ASAP1: variants seen among roughly 807,000 people sequenced by gnomAD.
The protein encoded by ASAP1 is ArfGAP with SH3 domain, ankyrin repeat and PH domain 1, also known as arf-GAP with SH3 domain, ANK repeat and PH domain-containing protein 1.
Under a neutral mutation model 145.2 loss-of-function variants are expected in ASAP1, and 43 were observed. The observed-to-expected ratio is 0.30, with a 90% confidence interval of 0.23 to 0.38. The LOEUF (loss-of-function observed/expected upper bound fraction) is 0.38. ASAP1 is among the 10% of genes least tolerant of loss of function. ASAP1 has a pLI of 1.00. For missense variants in ASAP1, 1,018 were observed against 1,355.3 expected (o/e 0.75, Z 3.91); for synonymous variants, 546 against 515.5 (o/e 1.06, Z -0.80).
chr8:130,403,188 T>C (rs1828873747), intron 1 of ASAP1, among the ~76,000 whole-genome samples: 1 of 152,126 alleles, frequency 6.6e-6, no homozygotes, highest in African/African-American at 2.4e-5. Context: ...ACCACTACCA[T>C]ACCTTAAAAA....
chr8:130,126,515 G>A (rs977651547), intron 16 of ASAP1, among the ~76,000 whole-genome samples: 4 of 152,160 alleles, frequency 2.6e-5, no homozygotes, highest in Non-Finnish European at 5.9e-5. Context: ...GCCTCCCCAT[G>A]AGCACTTCTT....
chr8:130,305,407 T>C (rs1238114537), intron 3 of ASAP1, among the ~76,000 whole-genome samples: 1 of 152,188 alleles, frequency 6.6e-6, no homozygotes. Flanking sequence ...AGTCCAGTGG[T>C]GCGATCTCGG....
At chr8:130,316,602 T>A (rs1361996341) in intron 3 of ASAP1, among the ~76,000 whole-genome samples, 2 of 152,224 alleles carry the variant, frequency 1.3e-5, no homozygotes, top group African/African-American at 4.8e-5. Context: ...ATTTTGCCCT[T>A]CCATTTTAGA....
intron 3 of ASAP1, among the ~76,000 whole-genome samples, chr8:130,320,714 G>A (rs1258899954): frequency 2.0e-5 from 3 of 151,710 alleles, no homozygotes; most frequent in Admixed American, 1.3e-4. Context: ...TTCCTCTCTA[G>A]TATCACATTA....
At chr8:130,080,106 G>T in intron 25 of ASAP1, 135 bp from the exon 26 acceptor site, 1 of 748,202 alleles carries the variant, frequency 1.3e-6, no homozygotes, top group Non-Finnish European at 2.3e-6. Context: ...AAAACGGCAT[G>T]CATTTCTGGC....
At chr8:130,111,913 C>G (rs1318551664) in intron 24 of ASAP1, among the ~76,000 whole-genome samples, 181 bp downstream of exon 24, 1 of 152,194 alleles carries the variant, frequency 6.6e-6, no homozygotes, top group African/African-American at 2.4e-5. Context: ...CACTGCCTGT[C>G]CTGCTCTTGG....
intron 3 of ASAP1, among the ~76,000 whole-genome samples, chr8:130,333,028 G>A (rs192653550): frequency 6.6e-6 from 1 of 151,948 alleles, no homozygotes; most frequent in Non-Finnish European, 1.5e-5. Flanking sequence ...AGCACAAAGC[G>A]GTTCAATCTT....
At chr8:130,063,668 T>G (rs1041313034) in intron 27 of ASAP1, among the ~76,000 whole-genome samples, 1 of 152,196 alleles carries the variant, frequency 6.6e-6, no homozygotes, top group Non-Finnish European at 1.5e-5. Context: ...CATCCCCATC[T>G]TCCAAGATAC....
At chr8:130,193,505 GGGA>G (rs2136262383) in intron 5 of ASAP1, among the ~76,000 whole-genome samples, 1 of 152,276 alleles carries the variant, frequency 6.6e-6, no homozygotes, top group East Asian at 1.9e-4. Flanking sequence ...GAAATAGGGT[GGGA>G]GAGGAGATTT....
At chr8:130,233,220 C>T (rs7821742) in intron 4 of ASAP1, among the ~76,000 whole-genome samples, 3,954 of 152,226 alleles carry the variant, frequency 0.026, 62 homozygotes, top group Middle Eastern at 0.044. Context: ...CCACAGGTTA[C>T]AATGCTGGGA....
At chr8:130,214,479 T>C in intron 5 of ASAP1, 77 bp downstream of exon 5, 1 of 1,348,380 alleles carries the variant, frequency 7.4e-7, no homozygotes, top group Non-Finnish European at 9.9e-7. Flanking sequence ...GGGGGAAGGA[T>C]TATTGAAATG....
At chr8:130,405,293 A>G (rs1246731946) in intron 1 of ASAP1, among the ~76,000 whole-genome samples, 1 of 152,158 alleles carries the variant, frequency 6.6e-6, no homozygotes, top group Non-Finnish European at 1.5e-5. Flanking sequence ...ATCATAACTC[A>G]CAAGATATGA....
intron 3 of ASAP1, among the ~76,000 whole-genome samples, chr8:130,350,004 T>C (rs374871503): frequency 2.8e-4 from 43 of 152,286 alleles, no homozygotes; most frequent in African/African-American, 1.0e-3. Flanking sequence ...TGAGGCTCCC[T>C]GGACAAACAG....
intron 25 of ASAP1, among the ~76,000 whole-genome samples, chr8:130,090,786 C>G (rs900370223): frequency 1.3e-5 from 2 of 152,214 alleles, no homozygotes; most frequent in Non-Finnish European, 2.9e-5. Flanking sequence ...GCTAAATGCA[C>G]ACACATGCTT....
intron 23 of ASAP1, 136 bp downstream of exon 23, chr8:130,115,492 T>G (rs1053882800): frequency 1.4e-6 from 1 of 710,478 alleles, no homozygotes; most frequent in South Asian, 1.7e-5. Context: ...CAATAAGGAC[T>G]GAACAACATA....
intron 7 of ASAP1, among the ~76,000 whole-genome samples, chr8:130,182,298 C>T (rs1814407921): frequency 6.6e-6 from 1 of 152,052 alleles, no homozygotes; most frequent in Non-Finnish European, 1.5e-5. Context: ...AGATAATCTC[C>T]CAAAGAAAGA....
chr8:130,085,764 G>T lies in ASAP1; in HGVS notation c.2573-5793C>A, dbSNP rs536119751. ...AAAAAAAAAAAAAAAAAGGAAAGAG[G>T]TTCAATGAAATGCAACTTCAAAAAT... On this transcript the variant is annotated intron_variant, in intron 25 of 29. Coordinates refer to ENST00000518721, the MANE Select transcript of ASAP1 (RefSeq NM_018482.4). 1.5e-4 allele frequency among the ~76,000 whole-genome samples: 22 copies of T among 147,918 alleles called. 1 individual carries two copies. In the South Asian group the frequency reaches 4.5e-3, roughly 30 times the overall value.
At position 130,118,660 on chromosome 8, in the gene ASAP1, T is replaced by A; in HGVS notation, c.1623A>T (p.Glu541Asp). 6.2e-7 allele frequency: 1 copy of A among 1,611,554 alleles called. No homozygotes were observed. The change falls in exon 19 of 30, where the codon GAA becomes GAT. Residue 541 changes from glutamate to aspartate, a missense_variant. Around this residue, in one of 9 missense-constraint regions of ASAP1, gnomAD observed 153 missense variants for 221.6 expected, o/e 0.69. Transcript: ENST00000518721. ...GATCTACATACTTTGCAGTGATATA[T>A]TCTTTTCGTACAGTCCTAAAACAGA... The part of the protein sequence containing the change: ...TPSSDMTVRK[E>D]YITAKYVDHR...
At chr8:130,331,965 T>G (rs1184191358) in intron 3 of ASAP1, among the ~76,000 whole-genome samples, 1 of 152,144 alleles carries the variant, frequency 6.6e-6, no homozygotes, top group Non-Finnish European at 1.5e-5. Flanking sequence ...GTTTGCTTTC[T>G]CAGAACCACT....
Sources: gnomAD v4.1 joint callset for allele counts (sites outside exome capture counted in the v4.1 genomes callset) on GRCh38, gnomAD v4.1.1 for gene constraint, gnomAD v4.1.1 regional missense constraint, MANE v1.5 for transcripts, NCBI Gene and HGNC (gene_info 2026-07-23, HGNC 2026-07-21) for gene names.